The following LAMC1 variants were observed in gnomAD, a reference collection of about 807,000 sequenced individuals.
LAMC1 encodes laminin subunit gamma-1.
LAMC1 carries 38 observed loss-of-function variants against 173.6 expected under a neutral mutation model. The ratio of observed to expected loss-of-function variants is 0.22; its 90% CI spans 0.17 to 0.29. The LOEUF is 0.29. Ranked by LOEUF, LAMC1 falls within the 10% of genes least tolerant of loss-of-function variation. The probability of loss-of-function intolerance (pLI) is 1.00; values close to 1 mark genes in which losing one functional copy is unlikely to be tolerated. For missense variants in LAMC1, 1,824 were observed against 2,051.8 expected (o/e 0.89, Z 2.14); for synonymous variants, 746 against 749.1 (o/e 1.00, Z 0.07).
chr1:183,052,791 G>A (rs1462186753), intron 1 of LAMC1, among the ~76,000 whole-genome samples: 1 of 152,106 alleles, frequency 6.6e-6, no homozygotes, highest in Non-Finnish European at 1.5e-5. Flanking sequence ...GAATAAAGAA[G>A]GTTCTATTCA....
At chr1:183,090,021 C>T (rs1366754255) in intron 1 of LAMC1, among the ~76,000 whole-genome samples, 1 of 152,146 alleles carries the variant, frequency 6.6e-6, no homozygotes, top group Non-Finnish European at 1.5e-5. Flanking sequence ...CTGTTTTAAC[C>T]CTAAAAGGAA....
chr1:183,086,679 A>G (rs1223133591), intron 1 of LAMC1, among the ~76,000 whole-genome samples: 3 of 152,216 alleles, frequency 2.0e-5, no homozygotes, highest in Non-Finnish European at 2.9e-5. Context: ...ATTCATTGCA[A>G]ATTATTTTAA....
At chr1:183,096,287 A>G (rs1373345694) in intron 1 of LAMC1, among the ~76,000 whole-genome samples, 3 of 152,224 alleles carry the variant, frequency 2.0e-5, no homozygotes, top group African/African-American at 7.2e-5. Flanking sequence ...CTTCTCCAAA[A>G]TCATACTGTC....
chr1:183,063,439 A>G (rs1558036467), intron 1 of LAMC1, among the ~76,000 whole-genome samples: 1 of 152,250 alleles, frequency 6.6e-6, no homozygotes, highest in Non-Finnish European at 1.5e-5. Flanking sequence ...TGTATTGGGT[A>G]TACATACCCT....
intron 1 of LAMC1, among the ~76,000 whole-genome samples, chr1:183,100,657 C>T (rs928794486): frequency 6.6e-6 from 1 of 152,210 alleles, no homozygotes; most frequent in Non-Finnish European, 1.5e-5. Context: ...ATGATCTTCT[C>T]CATGCTTTCC....
chr1:183,088,657 A>T (rs746973045), intron 1 of LAMC1, among the ~76,000 whole-genome samples: 1 of 152,252 alleles, frequency 6.6e-6, no homozygotes, highest in African/African-American at 2.4e-5. Flanking sequence ...CAAGAAACAC[A>T]AAAGAATAAA....
chr1:183,094,458 A>G (rs1349850127), intron 1 of LAMC1, among the ~76,000 whole-genome samples: 2 of 152,090 alleles, frequency 1.3e-5, no homozygotes, highest in Non-Finnish European at 2.9e-5. Context: ...CATGCTCCCT[A>G]CTTTTACTGT....
chr1:183,128,539 C>A lies in LAMC1; in HGVS notation c.3124-55C>A, dbSNP rs1656688812. On this transcript the variant is annotated intron_variant, in intron 17 of 27. Coordinates refer to ENST00000258341, the MANE Select transcript of LAMC1 (RefSeq NM_002293.4). ...TTCCTGCAGGAAGTGTGATTGAGTT[C>A]TTCAGGAATACTTGTGTGTCCTACC... The A allele has an allele frequency of 2.7e-6, 4 of 1,486,568 alleles. No individual in the cohort carries two copies. The East Asian group carries it at 6.9e-5, about 26-fold the overall frequency. The allele number at this position is 1,486,568 out of a possible 1,614,324, so 92.1% of individuals were successfully genotyped here.
chr1:183,056,914 TTTAG>T (rs547975413), intron 1 of LAMC1, among the ~76,000 whole-genome samples: 192 of 152,360 alleles, frequency 1.3e-3, no homozygotes, highest in African/African-American at 4.0e-3. Flanking sequence ...TTTATTTTAC[TTTAG>T]TTGGTAGGTA....
chr1:183,046,598 C>CAA (rs938703625), intron 1 of LAMC1, among the ~76,000 whole-genome samples: 13 of 151,946 alleles, frequency 8.6e-5, no homozygotes, highest in Admixed American at 6.6e-5. Flanking sequence ...TTCTGAATTA[C>CAA]ACTTTCTAAC....
At chr1:183,128,266 G>A (rs2102099081) in intron 17 of LAMC1, among the ~76,000 whole-genome samples, 1 of 152,310 alleles carries the variant, frequency 6.6e-6, no homozygotes, top group South Asian at 2.1e-4. Flanking sequence ...TCAGCATACA[G>A]TCTTTAAAGT....
At chr1:183,099,171 C>T (rs186564324) in intron 1 of LAMC1, among the ~76,000 whole-genome samples, 1 of 152,180 alleles carries the variant, frequency 6.6e-6, no homozygotes, top group African/African-American at 2.4e-5. Flanking sequence ...TCACTGCAAC[C>T]TCCGCCTCCT....
At position 183,118,079 on chromosome 1, in the gene LAMC1, T is replaced by C. The variant is rs1207119785; in HGVS notation, c.1923T>C (p.Pro641=). Residue 641 remains proline, a synonymous_variant, in exon 11 of 28, where the codon CCT becomes CCC. Coordinates refer to ENST00000258341, the MANE Select transcript of LAMC1 (RefSeq NM_002293.4). ...TDYPWRPALT[P]FEFQKLLNNL... ...ACCCTTGGAGGCCTGCTCTTACCCCTTTTGAATTTCAGAAGCTCCTAAACA... is the reference window on the plus strand; with the variant it reads ...ACCCTTGGAGGCCTGCTCTTACCCCCTTTGAATTTCAGAAGCTCCTAAACA... The C allele has an allele frequency of 1.2e-6, 2 of 1,613,134 alleles. No homozygotes were observed. The highest frequency in any genetic ancestry group is 1.7e-6 in the Non-Finnish European group (2 of 1,179,322).
intron 25 of LAMC1, among the ~76,000 whole-genome samples, chr1:183,137,395 T>C (rs1448947557): frequency 6.6e-6 from 1 of 152,120 alleles, no homozygotes; most frequent in African/African-American, 2.4e-5. Context: ...CAACTAAAAA[T>C]AGCAATAATA....
intron 1 of LAMC1, among the ~76,000 whole-genome samples, chr1:183,086,091 C>T (rs1396472423): frequency 6.6e-6 from 1 of 152,146 alleles, no homozygotes; most frequent in East Asian, 1.9e-4. Flanking sequence ...TATGTATATA[C>T]AGGCCTCATT....
chr1:183,137,632 C>CTT (rs1656983420), intron 25 of LAMC1, 37 bp from the exon 26 acceptor site: 1 of 1,461,182 alleles, frequency 6.8e-7, no homozygotes, highest in African/African-American at 1.4e-5. Context: ...AAAAGGAAAG[C>CTT]TTTTTTAAAA....
intron 1 of LAMC1, among the ~76,000 whole-genome samples, chr1:183,056,841 G>C (rs1654609671): frequency 6.6e-6 from 1 of 152,206 alleles, no homozygotes; most frequent in Non-Finnish European, 1.5e-5. Context: ...TATGTATGCA[G>C]ACTTGTACTT....
At chr1:183,070,315 G>A (rs777920678) in intron 1 of LAMC1, among the ~76,000 whole-genome samples, 1 of 152,166 alleles carries the variant, frequency 6.6e-6, no homozygotes, top group Non-Finnish European at 1.5e-5. Flanking sequence ...ATGATTTTAA[G>A]TAAAGGGACA....
chr1:183,126,969 T>C (rs1441504197), intron 16 of LAMC1, among the ~76,000 whole-genome samples: 1 of 152,256 alleles, frequency 6.6e-6, no homozygotes, highest in Admixed American at 6.5e-5. Flanking sequence ...GTTTCATAAC[T>C]TCTCTAATTG....
Sources: gnomAD v4.1 joint callset for allele counts (sites outside exome capture counted in the v4.1 genomes callset) on GRCh38, gnomAD v4.1.1 for gene constraint, MANE v1.5 for transcripts, NCBI Gene and HGNC (gene_info 2026-07-23, HGNC 2026-07-21) for gene names.